FANK1: variants seen among roughly 807,000 people sequenced by gnomAD.
The protein encoded by FANK1 is fibronectin type III and ankyrin repeat domains 1.
In FANK1, 44 loss-of-function variants were observed where a neutral mutation model predicts 45.3. The ratio of observed to expected loss-of-function variants is 0.97; its 90% CI spans 0.76 to 1.25. The LOEUF is 1.25. Among genes scored for constraint, FANK1 ranks in the 50% most tolerant of loss-of-function variants. FANK1 has a pLI of 0.00. For missense variants in FANK1, 391 were observed against 424.4 expected (o/e 0.92, Z 0.69); for synonymous variants, 149 against 152.5 (o/e 0.98, Z 0.17).
chr10:125,983,221 G>A lies in FANK1; in HGVS notation c.191+2883G>A, dbSNP rs2366345. Among the ~76,000 whole-genome samples the A allele has an allele frequency of 0.34, 51,983 of 151,772 alleles. 9,526 individuals carry two copies. Among genetic ancestry groups the A allele is most frequent in the South Asian group, 0.45 (2,159 of 4,806 alleles). ...CCCCTCTCACCCTATTCTTTCTTCT[G>A]CCCTGGTCAGATTTTACCTCCACTG... On this transcript the variant is annotated intron_variant, in intron 2 of 10. Transcript: ENST00000368693. The surrounding 1 kb of genome is among the most constrained non-coding windows in gnomAD (Gnocchi z 4.3).
At chr10:125,916,730 A>G (rs1946477709) in intron 1 of FANK1, among the ~76,000 whole-genome samples, 1 of 147,664 alleles carries the variant, frequency 6.8e-6, no homozygotes, top group Non-Finnish European at 1.5e-5. Context: ...TCACCAAAGA[A>G]CAAGTATTTT....
chr10:125,934,823 C>T (rs1313068392), intron 1 of FANK1, among the ~76,000 whole-genome samples: 1 of 139,544 alleles, frequency 7.2e-6, no homozygotes, highest in Non-Finnish European at 1.5e-5. Context: ...CCCAGTCTGG[C>T]TGTCCTCACA....
intron 3 of FANK1, among the ~76,000 whole-genome samples, chr10:125,993,382 C>T (rs1473312586): frequency 6.6e-6 from 1 of 152,140 alleles, no homozygotes; most frequent in African/African-American, 2.4e-5. Context: ...TTAGTTCATC[C>T]ATCTAAAGTA....
chr10:126,004,666 C>A, intron 6 of FANK1: 1 of 510,716 alleles, frequency 2.0e-6, no homozygotes, highest in Non-Finnish European at 3.5e-6. Flanking sequence ...TTTCGAGGTT[C>A]ATGCATGTTT....
At chr10:125,990,059 A>T (rs931638540) in intron 3 of FANK1, among the ~76,000 whole-genome samples, 1 of 152,216 alleles carries the variant, frequency 6.6e-6, no homozygotes, top group Non-Finnish European at 1.5e-5. Flanking sequence ...TCCATGGGCA[A>T]GCATGGCAGG....
chr10:125,945,591 G>A (rs1286441120), intron 1 of FANK1, among the ~76,000 whole-genome samples: 1 of 152,240 alleles, frequency 6.6e-6, no homozygotes, highest in African/African-American at 2.4e-5. Context: ...ACCTGGCTGG[G>A]AGGGTCCTAC....
At chr10:125,941,375 G>A (rs896241545) in intron 1 of FANK1, among the ~76,000 whole-genome samples, 1 of 152,204 alleles carries the variant, frequency 6.6e-6, no homozygotes, top group Non-Finnish European at 1.5e-5. Flanking sequence ...CGTAAGATAC[G>A]ATTTTGCATC....
chr10:125,907,146 A>C (rs76156907), intron 1 of FANK1, among the ~76,000 whole-genome samples: 1 of 152,244 alleles, frequency 6.6e-6, no homozygotes, highest in African/African-American at 2.4e-5. Flanking sequence ...TAAAATATAC[A>C]AAACATAAAA....
At chr10:125,979,237 C>G (rs369126437) in intron 1 of FANK1, among the ~76,000 whole-genome samples, 2 of 152,078 alleles carry the variant, frequency 1.3e-5, no homozygotes, top group African/African-American at 2.4e-5. Flanking sequence ...AGTCCCAGTG[C>G]GAGTATCTGG....
At chr10:125,980,453 C>T (rs1454202049) in intron 2 of FANK1, 115 bp downstream of exon 2, 2 of 1,161,794 alleles carry the variant, frequency 1.7e-6, no homozygotes, top group Non-Finnish European at 2.4e-6. Context: ...GAGTCAGCAT[C>T]ATTTGTATTC....
At chr10:125,918,730 ATAT>A (rs1031477400) in intron 1 of FANK1, among the ~76,000 whole-genome samples, 17 of 151,296 alleles carry the variant, frequency 1.1e-4, no homozygotes, top group African/African-American at 2.9e-4. Flanking sequence ...TGTTCAGTAA[ATAT>A]TATTCCTGGT....
At chr10:125,961,638 A>C (rs1023272320) in intron 1 of FANK1, among the ~76,000 whole-genome samples, 2 of 152,230 alleles carry the variant, frequency 1.3e-5, no homozygotes, top group Non-Finnish European at 2.9e-5. Context: ...CCATAAAACT[A>C]CTACAAGAAA....
chr10:125,919,195 A>ATTTTTTTTTTTTTTTTTTTTTTTTTTTTT lies in FANK1; in HGVS notation c.13+22568_13+22569insTTTTTTTTTTTTTTTTTTTTTTTTTTTTT, dbSNP rs142716284. Among the ~76,000 whole-genome samples, 21 of 51,880 alleles carry ATTTTTTTTTTTTTTTTTTTTTTTTTTTTT rather than the reference A, an allele frequency of 4.0e-4. 2 individuals carry two copies. Among genetic ancestry groups the ATTTTTTTTTTTTTTTTTTTTTTTTTTTTT allele is most frequent in the Middle Eastern group, 0.019 (1 of 54 alleles). 34.0% of individuals were successfully genotyped at this position (51,880 alleles called of 152,430 possible). On this transcript the variant is annotated intron_variant, in intron 1 of 10. Transcript: ENST00000368693. ...AGTAAAATACTTCCAGGAGGTAAGAATTTTTTTTTTTTTTTTTTTTTTTTT... is the reference window on the plus strand; with the variant it reads ...AGTAAAATACTTCCAGGAGGTAAGAATTTTTTTTTTTTTTTTTTTTTTTTTTTTTTTTTTTTTTTTTTTTTTTTTTTTTT...
chr10:126,004,109 T>C (rs1177324595), intron 6 of FANK1: 3 of 150,922 alleles, frequency 2.0e-5, no homozygotes, highest in African/African-American at 7.3e-5. Flanking sequence ...GGCAGTCTTC[T>C]GTGAAAAACA....
At position 125,954,971 on chromosome 10, in the gene FANK1, G is replaced by A. The variant is rs11244718; in HGVS notation, c.14-25190G>A. Among the ~76,000 whole-genome samples, 3 of 151,986 alleles carry A rather than the reference G, an allele frequency of 2.0e-5. No homozygotes were observed. The East Asian group carries it at 5.8e-4, about 29-fold the overall frequency. The stretch of plus-strand genomic sequence containing the variant: ...GAAAATGAATTAAAGGAGGATTTAC[G>A]TAACTAAAAGACAGTTTTAAAAGAA... On this transcript the variant is annotated intron_variant, in intron 1 of 10. Transcript: ENST00000368693.
At chr10:125,939,110 A>G (rs745386697) in intron 1 of FANK1, among the ~76,000 whole-genome samples, 2 of 152,178 alleles carry the variant, frequency 1.3e-5, no homozygotes, top group African/African-American at 2.4e-5. Flanking sequence ...TGCACATACA[A>G]TCAGACAAAT....
chr10:125,982,358 T>C (rs146011590), intron 2 of FANK1, among the ~76,000 whole-genome samples: 4 of 152,340 alleles, frequency 2.6e-5, no homozygotes, highest in Admixed American at 2.6e-4. Context: ...CCCAGAGACC[T>C]GGTTGCTGTC....
intron 1 of FANK1, among the ~76,000 whole-genome samples, chr10:125,936,597 T>C (rs997345426): frequency 7.9e-5 from 12 of 152,194 alleles, no homozygotes; most frequent in African/African-American, 2.9e-4. Flanking sequence ...AAGTATACAG[T>C]ATGTACTTAT....
At chr10:125,923,745 C>T (rs1375538577) in intron 1 of FANK1, among the ~76,000 whole-genome samples, 7 of 152,008 alleles carry the variant, frequency 4.6e-5, no homozygotes, top group African/African-American at 1.7e-4. Context: ...CCAGGCTGGT[C>T]TCAAACTCCT....
Sources: gnomAD v4.1 joint callset for allele counts (sites outside exome capture counted in the v4.1 genomes callset) on GRCh38, gnomAD v4.1.1 for gene constraint, Gnocchi (gnomAD v3.1) non-coding constraint, MANE v1.5 for transcripts, NCBI Gene and HGNC (gene_info 2026-07-23, HGNC 2026-07-21) for gene names.